Variants in RBFOX1 observed in about 807,000 individuals in gnomAD.
RBFOX1 encodes the protein RNA binding fox-1 homolog 1.
RBFOX1 carries 8 observed loss-of-function variants against 57.7 expected under a neutral mutation model. That is an observed-to-expected ratio of 0.14 (90% CI 0.08 to 0.25). RBFOX1 has a LOEUF of 0.25. Ranked by LOEUF, RBFOX1 falls within the 10% of genes least tolerant of loss-of-function variation. The pLI, the probability that RBFOX1 is intolerant of heterozygous loss-of-function variation, is 1.00. For missense variants in RBFOX1, 611 were observed against 548.5 expected (o/e 1.11, Z -1.14); for synonymous variants, 326 against 222.4 (o/e 1.47, Z -4.15).
intron 1 of RBFOX1, among the ~76,000 whole-genome samples, chr16:5,308,751 AC>A (rs200847983): frequency 1.1e-5 from 1 of 94,574 alleles, no homozygotes; most frequent in Non-Finnish European, 2.8e-5. Context: ...GCTATGTGTT[AC>A]ATTTTTTTTC....
At chr16:7,554,660 T>A (rs1204645894) in intron 5 of RBFOX1, among the ~76,000 whole-genome samples, 1 of 152,168 alleles carries the variant, frequency 6.6e-6, no homozygotes, top group East Asian at 1.9e-4. Context: ...CTTTTTTTTT[T>A]TAATTTTTTT....
At chr16:5,921,369 A>G (rs1374620121) in intron 4 of RBFOX1, among the ~76,000 whole-genome samples, 2 of 152,178 alleles carry the variant, frequency 1.3e-5, no homozygotes, top group African/African-American at 4.8e-5. Context: ...TAAATTACTT[A>G]AGATGCAAGG....
chr16:5,702,061 A>G (rs984543398), intron 3 of RBFOX1, among the ~76,000 whole-genome samples: 1 of 152,190 alleles, frequency 6.6e-6, no homozygotes, highest in Non-Finnish European at 1.5e-5. Flanking sequence ...ATAAGTAGCT[A>G]TCAGTGAGAA....
At chr16:5,647,494 G>A (rs144606114) in intron 3 of RBFOX1, among the ~76,000 whole-genome samples, 192 of 152,226 alleles carry the variant, frequency 1.3e-3, no homozygotes, top group Admixed American at 2.4e-3. Flanking sequence ...GAAGTCAGTC[G>A]AGGCAAGTTA....
chr16:6,730,142 C>A (rs1395204927), intron 3 of RBFOX1, among the ~76,000 whole-genome samples: 2 of 152,090 alleles, frequency 1.3e-5, no homozygotes, highest in African/African-American at 2.4e-5. Context: ...GTATTTGCTT[C>A]CCTAAAAGAA....
intron 3 of RBFOX1, among the ~76,000 whole-genome samples, chr16:5,742,498 A>G (rs1463534587): frequency 1.3e-5 from 2 of 152,136 alleles, no homozygotes; most frequent in Non-Finnish European, 2.9e-5. Flanking sequence ...CTACACTGGG[A>G]AGCTGTCAAA....
At chr16:6,882,379 C>G (rs979468673) in intron 3 of RBFOX1, among the ~76,000 whole-genome samples, 1 of 152,060 alleles carries the variant, frequency 6.6e-6, no homozygotes, top group Non-Finnish European at 1.5e-5. Flanking sequence ...CACCTAACCT[C>G]TCTGATTCTC....
At chr16:6,719,102 A>C (rs2065417560) in intron 3 of RBFOX1, among the ~76,000 whole-genome samples, 1 of 152,130 alleles carries the variant, frequency 6.6e-6, no homozygotes, top group African/African-American at 2.4e-5. Flanking sequence ...CCTGGGCTCA[A>C]GGGATTTACT....
intron 3 of RBFOX1, among the ~76,000 whole-genome samples, chr16:6,903,516 G>T (rs1414737678): frequency 6.6e-6 from 1 of 152,130 alleles, no homozygotes; most frequent in Non-Finnish European, 1.5e-5. Flanking sequence ...TACATGATGT[G>T]GGGGAAGCAC....
rs1333651315 is a variant in RBFOX1 at position 6,450,856 on chromosome 16, T to C, written c.-64+133799T>C. Reference sequence around the variant, plus strand: ...ATATATGTGTATATATATATATATATATATATATATATATATATCTCCTCT... The same window carrying C: ...ATATATGTGTATATATATATATATACATATATATATATATATATCTCCTCT... On this transcript the variant is annotated intron_variant, in intron 2 of 15. Coordinates refer to ENST00000550418, the MANE Select transcript of RBFOX1 (RefSeq NM_018723.4). Among the ~76,000 whole-genome samples the C allele has an allele frequency of 5.3e-5, 4 of 75,610 alleles. 1 individual carries two copies. The highest frequency in any genetic ancestry group is 6.1e-4 in the East Asian group (2 of 3,266). 49.6% of individuals were successfully genotyped at this position (75,610 alleles called of 152,430 possible). A position where few individuals can be genotyped will look rare whatever the true frequency, so the allele number is the denominator to read the frequency against.
intron 3 of RBFOX1, among the ~76,000 whole-genome samples, chr16:6,726,752 G>A (rs1225954933): frequency 1.3e-5 from 2 of 152,018 alleles, no homozygotes; most frequent in African/African-American, 4.8e-5. Flanking sequence ...TAAAACTTGT[G>A]TCTTTGAATA....
At chr16:7,342,108 TG>T (rs2096909398) in intron 4 of RBFOX1, among the ~76,000 whole-genome samples, 1 of 152,104 alleles carries the variant, frequency 6.6e-6, no homozygotes, top group South Asian at 2.1e-4. Context: ...CAGTTAAATT[TG>T]AAAAGAACAG....
At chr16:7,690,726 A>G (rs999202054) in intron 14 of RBFOX1, among the ~76,000 whole-genome samples, 2 of 152,036 alleles carry the variant, frequency 1.3e-5, no homozygotes, top group Non-Finnish European at 2.9e-5. Context: ...CTTTGATCAT[A>G]TGTGTCTCTG....
chr16:7,490,336 G>A (rs906389059), intron 4 of RBFOX1, among the ~76,000 whole-genome samples: 2 of 152,182 alleles, frequency 1.3e-5, no homozygotes, highest in African/African-American at 4.8e-5. Flanking sequence ...GGGAGGCTCA[G>A]CTCTATCAGG....
intron 4 of RBFOX1, among the ~76,000 whole-genome samples, chr16:7,407,049 C>A (rs184152281): frequency 5.8e-4 from 89 of 152,244 alleles, no homozygotes; most frequent in Admixed American, 1.6e-3. Flanking sequence ...CTCCCCATCT[C>A]GAGACCCTGA....
intron 2 of RBFOX1, among the ~76,000 whole-genome samples, chr16:5,510,385 A>G (rs1340822679): frequency 1.3e-5 from 2 of 152,032 alleles, no homozygotes; most frequent in Non-Finnish European, 2.9e-5. Context: ...TCTCTCATCC[A>G]TTTGGAACTG....
At chr16:7,401,725 G>T (rs4352066) in intron 4 of RBFOX1, among the ~76,000 whole-genome samples, 119,553 of 152,094 alleles carry the variant, frequency 0.79, 47,131 homozygotes, top group Admixed American at 0.82. Context: ...GAGGTAATGA[G>T]GAAATGTATT....
At chr16:5,371,227 C>T (rs913793231) in intron 1 of RBFOX1, among the ~76,000 whole-genome samples, 9 of 152,196 alleles carry the variant, frequency 5.9e-5, no homozygotes, top group Non-Finnish European at 1.0e-4. Context: ...GGATTACAGG[C>T]GTGAGCCCCC....
chr16:6,493,703 C>T (rs928981973), intron 2 of RBFOX1, among the ~76,000 whole-genome samples: 1 of 152,144 alleles, frequency 6.6e-6, no homozygotes, highest in South Asian at 2.1e-4. Flanking sequence ...GAACTTCATA[C>T]CTTGGGAGAT....
Sources: allele counts gnomAD v4.1 joint callset (sites outside exome capture counted in the v4.1 genomes callset), GRCh38; gene constraint gnomAD v4.1.1; transcripts MANE v1.5; gene names NCBI Gene and HGNC (gene_info 2026-07-23, HGNC 2026-07-21).